The following C9 variants were observed in gnomAD, a reference collection of about 807,000 sequenced individuals.
The protein encoded by C9 is complement component C9.
A neutral mutation model predicts 65.4 loss-of-function variants in C9; 63 were observed. That is an observed-to-expected ratio of 0.96 (90% CI 0.79 to 1.19). C9 has a LOEUF of 1.19. Ranked by LOEUF, C9 falls within the 50% of genes most tolerant of loss-of-function variation. The pLI, the probability that C9 is intolerant of heterozygous loss-of-function variation, is 0.00. For missense variants in C9, 744 were observed against 670.1 expected, an observed-to-expected ratio of 1.11 and a Z score of -1.22; for synonymous variants, 229 against 227.9, an observed-to-expected ratio of 1.00 and a Z score of -0.04.
At chr5:39,348,286 A>C (rs1478301109) in intron 1 of C9, among the ~76,000 whole-genome samples, 1 of 152,214 alleles carries the variant, frequency 6.6e-6, no homozygotes, top group East Asian at 1.9e-4. Flanking sequence ...CAAAGGGCTA[A>C]TATCCAGAAT....
intron 4 of C9, among the ~76,000 whole-genome samples, chr5:39,338,754 G>A (rs1046800799): frequency 6.6e-6 from 1 of 152,136 alleles, no homozygotes; most frequent in South Asian, 2.1e-4. Flanking sequence ...CTGTGGGATG[G>A]TTCCTAACAC....
intron 4 of C9, among the ~76,000 whole-genome samples, chr5:39,332,684 CA>C (rs1297006297): frequency 6.6e-6 from 1 of 152,200 alleles, no homozygotes; most frequent in African/African-American, 2.4e-5. Context: ...TACCTTGGTA[CA>C]AAAACAAAAA....
At position 39,341,244 on chromosome 5, in the gene C9, T is replaced by C; in HGVS notation, c.378A>G (p.Gly126=). Residue 126 remains glycine, a synonymous_variant, in exon 4 of 11, where the codon GGA becomes GGG. Coordinates refer to ENST00000263408, the MANE Select transcript of C9 (RefSeq NM_001737.5). ...CACAATCATCCTCATCTGAAAAGTCTCCGCAGTCATTGTCACCATTACACC... is the reference window on the plus strand; with the variant it reads ...CACAATCATCCTCATCTGAAAAGTCCCCGCAGTCATTGTCACCATTACACC... ...RLRCNGDNDC[G]DFSDEDDCES... is the part of the protein sequence containing the mutation. 6.2e-7 allele frequency: 1 copy of C among 1,614,200 alleles called. No homozygotes were observed. Among genetic ancestry groups the C allele is most frequent in the Non-Finnish European group, 8.5e-7 (1 of 1,180,024 alleles).
chr5:39,327,894 GA>G (rs1753778281), intron 5 of C9, among the ~76,000 whole-genome samples: 1 of 152,142 alleles, frequency 6.6e-6, no homozygotes, highest in South Asian at 2.1e-4. Context: ...GAAGAGGGTT[GA>G]AAAATGCATA....
intron 6 of C9, among the ~76,000 whole-genome samples, chr5:39,315,045 A>G (rs1470361704): frequency 6.6e-6 from 1 of 152,198 alleles, no homozygotes; most frequent in African/African-American, 2.4e-5. Context: ...TGTACACTTG[A>G]GTGGGTATGC....
chr5:39,350,123 A>C (rs1754295367), intron 1 of C9, among the ~76,000 whole-genome samples: 1 of 152,172 alleles, frequency 6.6e-6, no homozygotes, highest in Non-Finnish European at 1.5e-5. Flanking sequence ...ATCATGTCAG[A>C]AGGGTGAAGG....
intron 5 of C9, among the ~76,000 whole-genome samples, chr5:39,316,961 C>A (rs901441583): frequency 6.6e-6 from 1 of 152,210 alleles, no homozygotes; most frequent in East Asian, 1.9e-4. Flanking sequence ...TACACACCCA[C>A]CAACACTGTA....
At position 39,284,605 on chromosome 5, in the gene C9, T is replaced by A. The variant is rs1484195598; in HGVS notation, c.*594A>T. ...CCAACTCCTCTTTATCTCCCTTCAG[T>A]CCTCTGGTAAACTAGTAGTTTTTGG... is the stretch of plus-strand genomic sequence containing the variant. On this transcript the variant is annotated 3_prime_UTR_variant, in exon 11 of 11. Coordinates refer to ENST00000263408, the MANE Select transcript of C9 (RefSeq NM_001737.5). 6.6e-6 allele frequency: 1 copy of A among 152,486 alleles called. No homozygotes were observed. Among genetic ancestry groups the A allele is most frequent in the Non-Finnish European group, 1.5e-5 (1 of 68,246 alleles). 9.4% of individuals were successfully genotyped at this position (152,486 alleles called of 1,614,324 possible).
intron 5 of C9, among the ~76,000 whole-genome samples, chr5:39,318,531 C>T (rs1753612652): frequency 6.6e-6 from 1 of 151,638 alleles, no homozygotes; most frequent in Non-Finnish European, 1.5e-5. Flanking sequence ...AGGTATATTC[C>T]TTCAACACTA....
intron 4 of C9, among the ~76,000 whole-genome samples, chr5:39,333,584 G>C (rs11957617): frequency 0.017 from 799 of 47,304 alleles, 1 homozygote; most frequent in South Asian, 0.027. Context: ...CTCCCTCTCC[G>C]TCTCCCTCTC....
chr5:39,322,122 T>C (rs1753675855), intron 5 of C9, among the ~76,000 whole-genome samples: 1 of 152,026 alleles, frequency 6.6e-6, no homozygotes, highest in Admixed American at 6.5e-5. Context: ...GTCTTAAACA[T>C]TTTAAGAATA....
At chr5:39,326,170 C>T (rs902909894) in intron 5 of C9, among the ~76,000 whole-genome samples, 1 of 152,102 alleles carries the variant, frequency 6.6e-6, no homozygotes, top group Non-Finnish European at 1.5e-5. Context: ...GAAGTGTATA[C>T]TATTATCATA....
chr5:39,311,436 A>T (rs752626188), intron 6 of C9, 59 bp from the exon 7 acceptor site: 3 of 1,548,720 alleles, frequency 1.9e-6, no homozygotes, highest in Non-Finnish European at 2.7e-6. Context: ...TTTCAAATGA[A>T]AATTTATGAA....
chr5:39,331,946 G>A, intron 4 of C9, 132 bp from the exon 5 acceptor site: 1 of 821,398 alleles, frequency 1.2e-6, no homozygotes. Context: ...CTATAATCAG[G>A]AACAGAAGCA....
chr5:39,291,700 AAGT>A (rs1753100635), intron 9 of C9, among the ~76,000 whole-genome samples: 1 of 151,950 alleles, frequency 6.6e-6, no homozygotes, highest in South Asian at 2.1e-4. Context: ...AGTATTTTGA[AAGT>A]AGACTAAATT....
At position 39,284,946 on chromosome 5, in the gene C9, T is replaced by C. The variant is rs969933690; in HGVS notation, c.*253A>G. 1.4e-4 allele frequency: 61 copies of C among 444,194 alleles called. No homozygotes were observed. Among genetic ancestry groups the C allele is most frequent in the Admixed American group, 3.8e-4 (10 of 26,290 alleles). 27.5% of individuals were successfully genotyped at this position (444,194 alleles called of 1,614,324 possible). A position where few individuals can be genotyped will look rare whatever the true frequency, so the allele number is the denominator to read the frequency against. On this transcript the variant is annotated 3_prime_UTR_variant, in exon 11 of 11. Coordinates refer to ENST00000263408, the MANE Select transcript of C9 (RefSeq NM_001737.5). ...TTTTAGAAGAGATTGGCATTTTCCGTGGGATAAAGCAGTTCTGGCGTATTT... is the reference window on the plus strand; with the variant it reads ...TTTTAGAAGAGATTGGCATTTTCCGCGGGATAAAGCAGTTCTGGCGTATTT...
rs374289430 is a variant in C9 at position 39,311,267 on chromosome 5, T to C, written c.981A>G (p.Pro327=). 5 of 1,613,874 alleles carry C rather than the reference T, an allele frequency of 3.1e-6. No individual in the cohort carries two copies. The highest frequency in any genetic ancestry group is 4.2e-6 in the Non-Finnish European group (5 of 1,179,812). The stretch of plus-strand genomic sequence containing the variant: ...AATATTCTCCCTTTTCATAGGTAGT[T>C]GGCAAAGCTTTTATATCATCCACAA... ...TTFVDDIKAL[P]TTYEKGEYFA... is the part of the protein sequence containing the mutation. The change falls in exon 7 of 11, where the codon CCA becomes CCG. Residue 327 remains proline (P), a synonymous_variant. Transcript: ENST00000263408.
In C9 at chr5:39,341,171, C is replaced by G; in HGVS notation, c.451G>C (p.Glu151Gln). Reference protein sequence around the residue: ...PCRDRVVEESELARTAGYGIN... With the variant: ...PCRDRVVEESQLARTAGYGIN... ...CCATAGCCTGCTGTTCGTGCCAGCT[C>G]AGACTCTTCTACCACTCTGTCTCTG... Residue 151 changes from glutamate to glutamine, a missense_variant, in exon 4 of 11, where the codon GAG (glutamate) becomes CAG (glutamine). Glu to Gln is a conservative substitution (Grantham distance 29, BLOSUM62 2). Coordinates refer to ENST00000263408, the MANE Select transcript of C9 (RefSeq NM_001737.5). 1 of 1,614,220 alleles carries G rather than the reference C, an allele frequency of 6.2e-7. No individual in the cohort carries two copies. The highest frequency in any genetic ancestry group is 8.5e-7 in the Non-Finnish European group (1 of 1,180,034).
At chr5:39,338,591 A>G (rs1754012181) in intron 4 of C9, among the ~76,000 whole-genome samples, 1 of 152,236 alleles carries the variant, frequency 6.6e-6, no homozygotes. Context: ...TGAAGACTAA[A>G]TTTAACATAG....
Sources: gnomAD v4.1 joint callset for allele counts (sites outside exome capture counted in the v4.1 genomes callset) on GRCh38, gnomAD v4.1.1 for gene constraint, MANE v1.5 for transcripts, NCBI Gene and HGNC (gene_info 2026-07-23, HGNC 2026-07-21) for gene names.